The following GPR39 variants were observed in gnomAD, a reference collection of about 807,000 sequenced individuals.
GPR39 encodes the protein zinc sensing receptor.
In GPR39, 23 loss-of-function variants were observed where a neutral mutation model predicts 18.4. The ratio of observed to expected loss-of-function variants is 1.25; its 90% CI spans 0.90 to 1.77. The LOEUF is 1.77. GPR39 is among the 40% of genes most tolerant of loss of function. The pLI, the probability that GPR39 is intolerant of heterozygous loss-of-function variation, is 0.00. For synonymous variants in GPR39, 280 were observed against 257.9 expected (o/e 1.09, Z -0.82); for missense variants, 647 against 602.4 (o/e 1.07, Z -0.78).
At chr2:132,580,988 C>CAAAAAAAAA (rs139481939) in intron 1 of GPR39, among the ~76,000 whole-genome samples, 1 of 138,038 alleles carries the variant, frequency 7.2e-6, no homozygotes, top group African/African-American at 2.8e-5. Context: ...AAAAAAACAC[C>CAAAAAAAAA]AAAAAAAAAC....
intron 1 of GPR39, among the ~76,000 whole-genome samples, chr2:132,493,748 C>T (rs1228201248): frequency 6.6e-6 from 1 of 151,784 alleles, no homozygotes; most frequent in African/African-American, 2.4e-5. Context: ...TAGGGTTCTC[C>T]AGCAGATGGT....
chr2:132,554,093 T>C (rs1680103047), intron 1 of GPR39, among the ~76,000 whole-genome samples: 1 of 152,170 alleles, frequency 6.6e-6, no homozygotes, highest in Admixed American at 6.5e-5. Context: ...GGTCTGAAAC[T>C]TCTCTGCTTT....
chr2:132,608,042 T>A (rs1396119702), intron 1 of GPR39, among the ~76,000 whole-genome samples: 1 of 152,160 alleles, frequency 6.6e-6, no homozygotes, highest in African/African-American at 2.4e-5. Flanking sequence ...CTGAGTTCCA[T>A]GCAATTAAAT....
intron 1 of GPR39, among the ~76,000 whole-genome samples, chr2:132,493,575 G>C (rs114998742): frequency 0.021 from 3,161 of 149,996 alleles, 124 homozygotes; most frequent in African/African-American, 0.074. Context: ...GATTGGATAT[G>C]GGGGAGGAGA....
At chr2:132,521,819 A>G (rs1272684342) in intron 1 of GPR39, among the ~76,000 whole-genome samples, 1 of 152,060 alleles carries the variant, frequency 6.6e-6, no homozygotes, top group African/African-American at 2.4e-5. Context: ...CTTCATTTCC[A>G]TTTTTAATGT....
chr2:132,479,902 C>T (rs1681200372), intron 1 of GPR39, among the ~76,000 whole-genome samples: 1 of 150,676 alleles, frequency 6.6e-6, no homozygotes, highest in Non-Finnish European at 1.5e-5. Flanking sequence ...ATTTGTAGAC[C>T]CACATTCATA....
chr2:132,491,914 T>C (rs1159755639), intron 1 of GPR39, among the ~76,000 whole-genome samples: 1 of 151,790 alleles, frequency 6.6e-6, no homozygotes, highest in East Asian at 1.9e-4. Flanking sequence ...TGTGATACAT[T>C]GTGTGTGAAA....
chr2:132,531,154 G>A lies in GPR39; in HGVS notation c.856+113256G>A, dbSNP rs555613819. Reference sequence around the variant, plus strand: ...TATAGGCTCAAAATAAAGGGATGGAGGAATATCTACCAAGCAAATGGAAAA... The same window carrying A: ...TATAGGCTCAAAATAAAGGGATGGAAGAATATCTACCAAGCAAATGGAAAA... On this transcript the variant is annotated intron_variant, in intron 1 of 1. Coordinates refer to ENST00000329321, the MANE Select transcript of GPR39 (RefSeq NM_001508.3). 2.5e-3 allele frequency among the ~76,000 whole-genome samples: 385 copies of A among 152,238 alleles called. 2 individuals carry two copies. Among genetic ancestry groups the A allele is most frequent in the Middle Eastern group, 6.8e-3 (2 of 294 alleles).
intron 1 of GPR39, among the ~76,000 whole-genome samples, chr2:132,531,680 T>G (rs975743085): frequency 6.6e-6 from 1 of 152,156 alleles, no homozygotes; most frequent in Non-Finnish European, 1.5e-5. Flanking sequence ...AAACTAGAAC[T>G]CAGGATTAAG....
At chr2:132,438,961 C>T (rs1680384154) in intron 1 of GPR39, among the ~76,000 whole-genome samples, 1 of 152,184 alleles carries the variant, frequency 6.6e-6, no homozygotes, top group Admixed American at 6.5e-5. Context: ...ATTCTGATGA[C>T]ATGTGGCGCA....
intron 1 of GPR39, among the ~76,000 whole-genome samples, chr2:132,444,284 A>G (rs769199826): frequency 2.6e-5 from 4 of 151,656 alleles, no homozygotes; most frequent in Non-Finnish European, 4.4e-5. Context: ...TTACTAGTCT[A>G]TGGCATTATG....
At chr2:132,567,541 A>C (rs1370731585) in intron 1 of GPR39, among the ~76,000 whole-genome samples, 2 of 152,174 alleles carry the variant, frequency 1.3e-5, no homozygotes, top group African/African-American at 4.8e-5. Context: ...CCCACCAGCA[A>C]GAAGAATTTG....
At chr2:132,452,488 T>A (rs1036640474) in intron 1 of GPR39, among the ~76,000 whole-genome samples, 2 of 152,182 alleles carry the variant, frequency 1.3e-5, no homozygotes, top group Non-Finnish European at 1.5e-5. Context: ...TGTATTTTTT[T>A]AAATTATACT....
chr2:132,468,707 A>G (rs1421983835), intron 1 of GPR39, among the ~76,000 whole-genome samples: 1 of 152,200 alleles, frequency 6.6e-6, no homozygotes, highest in African/African-American at 2.4e-5. Context: ...GTGCAGTGGA[A>G]GCAGGAGGTG....
intron 1 of GPR39, among the ~76,000 whole-genome samples, chr2:132,635,825 A>G (rs1033471826): frequency 3.9e-5 from 6 of 152,108 alleles, no homozygotes; most frequent in Non-Finnish European, 7.4e-5. Flanking sequence ...TCTGAATAGG[A>G]CGAGTGAACA....
rs148796133 is a variant in GPR39, at chr2:132,556,329, G to A, written c.857-88772G>A. Reference sequence around the variant, plus strand: ...CTCCCAAAATAAAAAGCTTTGATTTGTAACTTTTGCCAGTTTCCATAGTGT... The same window carrying A: ...CTCCCAAAATAAAAAGCTTTGATTTATAACTTTTGCCAGTTTCCATAGTGT... On this transcript the variant is annotated intron_variant, in intron 1 of 1. Coordinates refer to ENST00000329321, the MANE Select transcript of GPR39 (RefSeq NM_001508.3). Among the ~76,000 whole-genome samples the A allele has an allele frequency of 4.4e-3, 673 of 152,290 alleles. 6 individuals carry two copies. The highest frequency in any genetic ancestry group is 7.2e-3 in the Non-Finnish European group (490 of 68,024).
intron 1 of GPR39, among the ~76,000 whole-genome samples, chr2:132,540,265 C>G (rs1336267930): frequency 6.6e-6 from 1 of 152,114 alleles, no homozygotes; most frequent in African/African-American, 2.4e-5. Context: ...ACAGCAGGGG[C>G]TCTCCGGAGA....
rs187751667 is a variant in GPR39, at chr2:132,589,287, G to A, written c.857-55814G>A. Among the ~76,000 whole-genome samples, 99 of 152,256 alleles carry A rather than the reference G, an allele frequency of 6.5e-4. 1 individual carries two copies. The highest frequency in any genetic ancestry group is 2.7e-3 in the Admixed American group (41 of 15,302). On this transcript the variant is annotated intron_variant, in intron 1 of 1. Transcript: ENST00000329321. Reference sequence around the variant, plus strand: ...TGGCAACCATGCCTCCTCCACATCGGCTGCCGAGCCAAGAGGCTTAGCCTG... The same window carrying A: ...TGGCAACCATGCCTCCTCCACATCGACTGCCGAGCCAAGAGGCTTAGCCTG...
chr2:132,548,099 C>G (rs111608031), intron 1 of GPR39, among the ~76,000 whole-genome samples: 61 of 152,274 alleles, frequency 4.0e-4, no homozygotes, highest in African/African-American at 1.4e-3. Flanking sequence ...ATGAACTACT[C>G]TAAATCATCC....
Sources: gnomAD v4.1 joint callset for allele counts (sites outside exome capture counted in the v4.1 genomes callset) on GRCh38, gnomAD v4.1.1 for gene constraint, MANE v1.5 for transcripts, NCBI Gene and HGNC (gene_info 2026-07-23, HGNC 2026-07-21) for gene names.